AKNA: variants seen among roughly 807,000 people sequenced by gnomAD.
AKNA encodes the protein microtubule organization protein AKNA.
Under a neutral mutation model 138.8 loss-of-function variants are expected in AKNA, and 67 were observed. That is an observed-to-expected ratio of 0.48 (90% CI 0.40 to 0.59). AKNA has a LOEUF of 0.59. Among genes scored for constraint, AKNA ranks in the 20% least tolerant of loss-of-function variants. AKNA has a pLI of 0.00. For synonymous variants in AKNA, 737 were observed against 754.4 expected (o/e 0.98, Z 0.38); for missense variants, 1,813 against 1,880.4 (o/e 0.96, Z 0.66).
At chr9:114,371,671 C>T (rs1832776822) in intron 4 of AKNA, among the ~76,000 whole-genome samples, 1 of 152,178 alleles carries the variant, frequency 6.6e-6, no homozygotes, top group African/African-American at 2.4e-5. Flanking sequence ...GGGTGGGATA[C>T]CTGTTGCTGC....
upstream of AKNA, among the ~76,000 whole-genome samples, chr9:114,392,104 CAAAA>C (rs61619495): frequency 3.5e-5 from 3 of 86,584 alleles, no homozygotes; most frequent in African/African-American, 4.8e-5. Context: ...AGACGCTTGT[CAAAA>C]AAAAAAAAAA....
intron 6 of AKNA, among the ~76,000 whole-genome samples, chr9:114,366,177 G>T (rs1172119083): frequency 1.3e-5 from 2 of 151,806 alleles, no homozygotes; most frequent in East Asian, 3.9e-4. Context: ...TTCTAGGGAG[G>T]CTTGAGGCAG....
intron 2 of AKNA, among the ~76,000 whole-genome samples, chr9:114,378,931 G>A (rs958491465): frequency 1.3e-5 from 2 of 152,204 alleles, no homozygotes; most frequent in South Asian, 2.1e-4. Flanking sequence ...CACCTTTGTC[G>A]CACTCTCTGT....
intron 19 of AKNA, 68 bp downstream of exon 19, chr9:114,343,640 C>T: frequency 6.7e-7 from 1 of 1,503,542 alleles, no homozygotes; most frequent in Non-Finnish European, 9.3e-7. Flanking sequence ...GTCAAGTACA[C>T]ACTCCCCTGA....
In AKNA at chr9:114,359,748, C is replaced by T; in HGVS notation, c.2338G>A (p.Glu780Lys). The T allele has an allele frequency of 6.2e-7, 1 of 1,603,828 alleles. No homozygotes were observed. Reference protein sequence around the residue: ...SLPEAMRMEEEEEGEEEEEEE... With the variant: ...SLPEAMRMEEKEEGEEEEEEE... ...TCCTCCTCCTCCTCTCCTTCTTCCTCCTCCTCCATTCTCATGGCTTCTGGG... is the reference window on the plus strand; with the variant it reads ...TCCTCCTCCTCCTCTCCTTCTTCCTTCTCCTCCATTCTCATGGCTTCTGGG... The change falls in exon 11 of 22, where the codon GAG becomes AAG. Residue 780 changes from glutamate to lysine, a missense_variant. By Grantham distance (56) the Glu-to-Lys change is moderately conservative. Transcript: ENST00000374088.
chr9:114,331,797 C>T (rs1293159910), downstream of AKNA: 1 of 1,608,282 alleles, frequency 6.2e-7, no homozygotes, highest in African/African-American at 1.3e-5. Context: ...CCACCATGTC[C>T]CCAGTCAGTC....
upstream of AKNA, among the ~76,000 whole-genome samples, chr9:114,396,086 CAAT>C (rs750100621): frequency 3.2e-4 from 49 of 152,272 alleles, no homozygotes; most frequent in South Asian, 1.0e-3. Flanking sequence ...TGATCAACAA[CAAT>C]GTTTTGAGCA....
intron 4 of AKNA, among the ~76,000 whole-genome samples, chr9:114,372,174 G>A (rs1832814807): frequency 6.6e-6 from 1 of 152,218 alleles, no homozygotes; most frequent in African/African-American, 2.4e-5. Context: ...GGCTGAGAGA[G>A]GGGTTGGGGG....
chr9:114,387,302 C>T (rs1001990011), intron 1 of AKNA, among the ~76,000 whole-genome samples: 2 of 152,246 alleles, frequency 1.3e-5, no homozygotes, highest in African/African-American at 2.4e-5. Context: ...GCCCCCAGCC[C>T]GCTCCAGCAG....
intron 19 of AKNA, 104 bp downstream of exon 19, chr9:114,343,604 G>T: frequency 1.6e-6 from 2 of 1,212,444 alleles, no homozygotes; most frequent in Non-Finnish European, 2.4e-6. Flanking sequence ...ATAACCCACT[G>T]CTAAGTTCAG....
At chr9:114,362,043 AT>A (rs1831685247) in intron 8 of AKNA, 132 bp from the exon 9 acceptor site, 2 of 936,308 alleles carry the variant, frequency 2.1e-6, no homozygotes, top group East Asian at 5.2e-5. Flanking sequence ...CCTTTAGATG[AT>A]GGTGAGAACT....
In AKNA at chr9:114,380,981, C is replaced by CAAAAA. The variant is rs34055519; in HGVS notation, c.274+74_274+78dup. On this transcript the variant is annotated intron_variant, in intron 2 of 21. Transcript: ENST00000374088. The stretch of plus-strand genomic sequence containing the variant: ...CTGGCAATGAAGCAAGACTCTGTCT[C>CAAAAA]AAAAAAAAAAAAAAAAAAAAGAACG... 8.9e-5 allele frequency: 99 copies of CAAAAA among 1,110,386 alleles called. No homozygotes were observed. The African/African-American group carries it at 1.7e-3, about 19-fold the overall frequency. 68.8% of individuals were successfully genotyped at this position (1,110,386 alleles called of 1,614,324 possible).
Position 114,337,011 on chromosome 9 carries a change from C to T in AKNA, c.*43G>A, listed in dbSNP as rs1830027938. On this transcript the variant is annotated 3_prime_UTR_variant, in exon 22 of 22. Coordinates refer to ENST00000374088, the MANE Select transcript of AKNA (RefSeq NM_001317950.2). ...GCCCACTCCTGGCCTGGCAGGCCACCTGCCCACCCACCCACCCATCTGCCT... is the reference window on the plus strand; with the variant it reads ...GCCCACTCCTGGCCTGGCAGGCCACTTGCCCACCCACCCACCCATCTGCCT... The T allele has an allele frequency of 8.2e-7, 1 of 1,213,836 alleles. No individual in the cohort carries two copies. Among genetic ancestry groups the T allele is most frequent in the Non-Finnish European group, 1.1e-6 (1 of 931,080 alleles). The allele number at this position is 1,213,836 out of a possible 1,614,324, so 75.2% of individuals were successfully genotyped here. A position where few individuals can be genotyped will look rare whatever the true frequency, so the allele number is the denominator to read the frequency against.
chr9:114,369,881 A>G (rs1252138107), intron 4 of AKNA, among the ~76,000 whole-genome samples: 1 of 152,200 alleles, frequency 6.6e-6, no homozygotes, highest in Admixed American at 6.5e-5. Context: ...TACCGTCATC[A>G]TCATAACCAT....
intron 7 of AKNA, among the ~76,000 whole-genome samples, chr9:114,364,337 T>C (rs1380859960): frequency 1.3e-5 from 2 of 152,158 alleles, no homozygotes; most frequent in African/African-American, 2.4e-5. Context: ...CTCTAGGGTT[T>C]ACCACAGTCC....
intron 1 of AKNA, among the ~76,000 whole-genome samples, chr9:114,385,647 G>A (rs920871000): frequency 1.3e-5 from 2 of 152,228 alleles, no homozygotes; most frequent in African/African-American, 4.8e-5. Flanking sequence ...ACCAGGGGAA[G>A]GTGCACGTCA....
chr9:114,355,988 T>G lies in AKNA; in HGVS notation c.2995A>C (p.Ser999Arg), dbSNP rs1831473673. The G allele has an allele frequency of 6.2e-7, 1 of 1,614,196 alleles. No homozygotes were observed. ...GGTGCCCTCTGCCGGAGAGGCCCAC[T>G]TGGGCTGGAGAGGTACCTCTGTGCT... Reference protein sequence around the residue: ...SQAQRYLSSPSGPLRQRAPNF... With the variant: ...SQAQRYLSSPRGPLRQRAPNF... The change falls in exon 14 of 22, where the codon AGT (serine) becomes CGT (arginine). Residue 999 changes from serine (S) to arginine (R), a missense_variant. By Grantham distance (110) the Ser-to-Arg change is moderately radical. Transcript: ENST00000374088.
At chr9:114,363,630 C>T (rs958179655) in intron 7 of AKNA, among the ~76,000 whole-genome samples, 1 of 152,206 alleles carries the variant, frequency 6.6e-6, no homozygotes, top group African/African-American at 2.4e-5. Context: ...CTCTCCAGAC[C>T]TTCTCTCAGC....
downstream of AKNA, among the ~76,000 whole-genome samples, chr9:114,333,616 T>C (rs1829898488): frequency 7.2e-6 from 1 of 138,668 alleles, no homozygotes; most frequent in African/African-American, 2.8e-5. Context: ...CCCATAAATA[T>C]GTACATTATG....
Sources: gnomAD v4.1 joint callset for allele counts (sites outside exome capture counted in the v4.1 genomes callset) on GRCh38, gnomAD v4.1.1 for gene constraint, MANE v1.5 for transcripts, NCBI Gene and HGNC (gene_info 2026-07-23, HGNC 2026-07-21) for gene names.